TSPAN5: variants seen among roughly 807,000 people sequenced by gnomAD.
TSPAN5 encodes the protein tetraspanin-5.
A neutral mutation model predicts 37.1 loss-of-function variants in TSPAN5; 10 were observed. That is an observed-to-expected ratio of 0.27 (90% confidence interval 0.17 to 0.46). TSPAN5 has a LOEUF of 0.46. TSPAN5 is among the 20% of genes least tolerant of loss of function. The pLI is 1.00. For synonymous variants in TSPAN5, 110 were observed against 118.9 expected (o/e 0.93, Z 0.48); for missense variants, 195 against 326.6 (o/e 0.60, Z 3.11).
At chr4:98,536,104 G>C (rs1358917230) in intron 1 of TSPAN5, among the ~76,000 whole-genome samples, 2 of 152,176 alleles carry the variant, frequency 1.3e-5, no homozygotes, top group African/African-American at 2.4e-5. Flanking sequence ...TGGAGGAGAA[G>C]AGGTGTTCTT....
intron 3 of TSPAN5, chr4:98,482,626 A>G (rs1322201865): frequency 6.3e-6 from 1 of 158,252 alleles, no homozygotes; most frequent in African/African-American, 2.4e-5. Flanking sequence ...TCTATGCAAT[A>G]TATTCCTTTT....
At chr4:98,624,391 A>G (rs1404921476) in intron 1 of TSPAN5, among the ~76,000 whole-genome samples, 1 of 152,226 alleles carries the variant, frequency 6.6e-6, no homozygotes, top group Non-Finnish European at 1.5e-5. Context: ...AATGATGAGG[A>G]GATAAAGTCA....
rs567858886 is a variant in TSPAN5 at position 98,649,308 on chromosome 4, A to C, written c.81+8838T>G. On this transcript the variant is annotated intron_variant, in intron 1 of 7. Transcript: ENST00000305798. ...ACCCACATACGCCTCAAGGAGGCCT[A>C]GGATTGCTGGTAGCAGGTTTGAAAT... is the stretch of plus-strand genomic sequence containing the variant. Among the ~76,000 whole-genome samples the C allele has an allele frequency of 4.6e-5, 7 of 152,328 alleles. No homozygotes were observed. In the South Asian group the frequency reaches 1.2e-3, roughly 27 times the overall value.
In TSPAN5 at chr4:98,471,510, G is replaced by T. The variant is rs1752583741; in HGVS notation, c.*1012C>A. ...AACATATTTCAATGTTTGTAGAAAA[G>T]CTGGCAGGAAAGGGAGATGATGGAT... is the stretch of plus-strand genomic sequence containing the variant. On this transcript the variant is annotated 3_prime_UTR_variant, in exon 8 of 8. Transcript: ENST00000305798. 6.6e-6 allele frequency: 1 copy of T among 152,186 alleles called. No individual in the cohort carries two copies. Among genetic ancestry groups the T allele is most frequent in the Admixed American group, 6.5e-5 (1 of 15,276 alleles). 9.4% of individuals were successfully genotyped at this position (152,186 alleles called of 1,614,324 possible). A position where few individuals can be genotyped will look rare whatever the true frequency, so the allele number is the denominator to read the frequency against.
At chr4:98,641,964 G>T (rs1218833691) in intron 1 of TSPAN5, among the ~76,000 whole-genome samples, 1 of 152,176 alleles carries the variant, frequency 6.6e-6, no homozygotes, top group Non-Finnish European at 1.5e-5. Context: ...GTTGAACAGT[G>T]AGTAGTAAAA....
intron 1 of TSPAN5, among the ~76,000 whole-genome samples, chr4:98,619,459 A>G (rs903962783): frequency 6.6e-6 from 1 of 152,236 alleles, no homozygotes; most frequent in Non-Finnish European, 1.5e-5. Flanking sequence ...TGTTTATGAT[A>G]TAAGCAAATG....
At chr4:98,622,882 T>C (rs182179322) in intron 1 of TSPAN5, among the ~76,000 whole-genome samples, 16 of 151,728 alleles carry the variant, frequency 1.1e-4, no homozygotes, top group Admixed American at 6.6e-4. Flanking sequence ...CAGGAAGGAG[T>C]GTGATAAGCA....
At chr4:98,550,611 T>G (rs1384893061) in intron 1 of TSPAN5, among the ~76,000 whole-genome samples, 5 of 17,928 alleles carry the variant, frequency 2.8e-4, no homozygotes, top group African/African-American at 8.9e-4. Flanking sequence ...AGCTGGGTTT[T>G]TTTTTTTTTT....
chr4:98,640,121 G>A (rs546784970), intron 1 of TSPAN5, among the ~76,000 whole-genome samples: 3 of 151,498 alleles, frequency 2.0e-5, no homozygotes, highest in East Asian at 3.9e-4. Context: ...CATAAAAATC[G>A]TTTGCAACAA....
At chr4:98,531,830 TCA>T (rs1465062340) in intron 1 of TSPAN5, among the ~76,000 whole-genome samples, 2 of 152,260 alleles carry the variant, frequency 1.3e-5, no homozygotes, top group African/African-American at 4.8e-5. Context: ...GAGCTTTTTT[TCA>T]TATGTTTGTT....
At chr4:98,515,227 C>A (rs1449262168) in intron 1 of TSPAN5, among the ~76,000 whole-genome samples, 1 of 152,144 alleles carries the variant, frequency 6.6e-6, no homozygotes, top group Non-Finnish European at 1.5e-5. Context: ...CAAAGAATCA[C>A]TGGAGGGTTT....
chr4:98,533,567 T>TTTTTTTTTTTTTTTTTG (rs1413078858), intron 1 of TSPAN5, among the ~76,000 whole-genome samples: 3 of 135,500 alleles, frequency 2.2e-5, no homozygotes, highest in Admixed American at 7.6e-5. Context: ...TTTTTTTTTC[T>TTTTTTTTTTTTTTTTTG]TGAGACAGAG....
At chr4:98,503,786 C>A (rs1346616164) in intron 2 of TSPAN5, among the ~76,000 whole-genome samples, 2 of 152,192 alleles carry the variant, frequency 1.3e-5, no homozygotes, top group Non-Finnish European at 2.9e-5. Flanking sequence ...TCAGCACAAG[C>A]CCTGCCCATG....
At chr4:98,592,377 C>A (rs1281560661) in intron 1 of TSPAN5, among the ~76,000 whole-genome samples, 1 of 148,716 alleles carries the variant, frequency 6.7e-6, no homozygotes, top group African/African-American at 2.5e-5. Context: ...AGATTCACAG[C>A]AACCAATCAG....
chr4:98,479,468 G>A (rs899704859), intron 4 of TSPAN5, among the ~76,000 whole-genome samples: 9 of 152,264 alleles, frequency 5.9e-5, no homozygotes, highest in Non-Finnish European at 1.2e-4. Flanking sequence ...ATGAATGGAC[G>A]TGCAGTCAGG....
rs1231393759 is a variant in TSPAN5, at chr4:98,648,675, G to A, written c.81+9471C>T. On this transcript the variant is annotated intron_variant, in intron 1 of 7. Coordinates refer to ENST00000305798, the MANE Select transcript of TSPAN5 (RefSeq NM_005723.4). The stretch of plus-strand genomic sequence containing the variant: ...TAAAATAGGCCACCTTTTTTTTCTC[G>A]TAAGCAAAGAACACTAGCTTCATGT... Among the ~76,000 whole-genome samples the A allele has an allele frequency of 2.4e-4, 36 of 151,618 alleles. 1 individual carries two copies. The highest frequency in any genetic ancestry group is 4.6e-4 in the Admixed American group (7 of 15,252).
Position 98,514,514 on chromosome 4 carries a change from G to A in TSPAN5, c.82-6786C>T, listed in dbSNP as rs116537882. ...ATCCCAGTTTTCCCATTGGGTCCCC[G>A]TGTCCCAGTTTGTACATTCAAACTG... On this transcript the variant is annotated intron_variant, in intron 1 of 7. Transcript: ENST00000305798. Among the ~76,000 whole-genome samples the A allele has an allele frequency of 2.7e-3, 415 of 152,284 alleles. 3 individuals carry two copies. The highest frequency in any genetic ancestry group is 4.4e-3 in the African/African-American group (182 of 41,556).
chr4:98,642,272 T>C (rs1056099815), intron 1 of TSPAN5, among the ~76,000 whole-genome samples: 3 of 152,204 alleles, frequency 2.0e-5, no homozygotes, highest in African/African-American at 7.2e-5. Flanking sequence ...AGGGGGCAGG[T>C]GAGGGAAAAA....
chr4:98,643,421 T>A (rs577614856), intron 1 of TSPAN5, among the ~76,000 whole-genome samples: 16 of 152,266 alleles, frequency 1.1e-4, no homozygotes, highest in East Asian at 3.9e-4. Flanking sequence ...GTACTTTTTT[T>A]AAAAAGTCCA....
Sources: gnomAD v4.1 joint callset for allele counts (sites outside exome capture counted in the v4.1 genomes callset) on GRCh38, gnomAD v4.1.1 for gene constraint, MANE v1.5 for transcripts, NCBI Gene and HGNC (gene_info 2026-07-23, HGNC 2026-07-21) for gene names.